Variants in LAMA1 observed in about 807,000 individuals in gnomAD.
The protein encoded by LAMA1 is laminin subunit alpha 1.
A neutral mutation model predicts 348.7 loss-of-function variants in LAMA1; 219 were observed. The ratio of observed to expected loss-of-function variants is 0.63; its 90% CI spans 0.56 to 0.70. The LOEUF (loss-of-function observed/expected upper bound fraction) is 0.70. Among genes scored for constraint, LAMA1 ranks in the 30% least tolerant of loss-of-function variants. The pLI, the probability that LAMA1 is intolerant of heterozygous loss-of-function variation, is 0.00. For missense variants in LAMA1, 3,744 were observed against 3,888.0 expected, an observed-to-expected ratio of 0.96 and a Z score of 0.99; for synonymous variants, 1,487 against 1,491.0, an observed-to-expected ratio of 1.00 and a Z score of 0.06.
chr18:7,087,102 A>G (rs2058220823), intron 1 of LAMA1, among the ~76,000 whole-genome samples: 1 of 152,214 alleles, frequency 6.6e-6, no homozygotes, highest in South Asian at 2.1e-4. Context: ...TGACCCTTTC[A>G]TCTAAAAAAA....
chr18:7,098,762 T>G (rs2058276400), intron 1 of LAMA1, among the ~76,000 whole-genome samples: 1 of 124,806 alleles, frequency 8.0e-6, no homozygotes. Context: ...GTCCAGGAGG[T>G]GAGGGGCGCC....
chr18:6,969,597 A>G (rs569131054), intron 48 of LAMA1, among the ~76,000 whole-genome samples: 2 of 152,344 alleles, frequency 1.3e-5, no homozygotes, highest in African/African-American at 4.8e-5. Context: ...GGCCAATATA[A>G]CAGTGGATTT....
chr18:6,956,386 A>G, intron 56 of LAMA1: 1 of 656,782 alleles, frequency 1.5e-6, no homozygotes, highest in Middle Eastern at 2.4e-4. Flanking sequence ...CCAAAAGCAT[A>G]TTATACATCA....
chr18:6,978,405 C>A, intron 42 of LAMA1, 27 bp from the exon 43 acceptor site: 1 of 1,586,252 alleles, frequency 6.3e-7, no homozygotes, highest in Non-Finnish European at 8.6e-7. Flanking sequence ...TAAAAGCATG[C>A]ACTTCTGGTG....
chr18:6,981,889 G>A (rs623795), intron 41 of LAMA1, among the ~76,000 whole-genome samples: 126,602 of 152,184 alleles, frequency 0.83, 53,024 homozygotes, highest in East Asian at 0.99. Flanking sequence ...GTAGGCCTAC[G>A]TAGTTTCTCT....
At chr18:6,991,828 C>T (rs907441052) in intron 36 of LAMA1, among the ~76,000 whole-genome samples, 7 of 152,180 alleles carry the variant, frequency 4.6e-5, no homozygotes, top group African/African-American at 1.4e-4. Context: ...TCCCTCACAA[C>T]ATAATTTAAA....
At chr18:6,974,804 AG>A in intron 46 of LAMA1, 98 bp downstream of exon 46, 1 of 1,483,068 alleles carries the variant, frequency 6.7e-7, no homozygotes, top group African/African-American at 1.4e-5. Flanking sequence ...CTGACTTTCC[AG>A]AAGTTTCAAA....
At chr18:7,054,907 T>C (rs2058075471) in intron 3 of LAMA1, among the ~76,000 whole-genome samples, 1 of 152,120 alleles carries the variant, frequency 6.6e-6, no homozygotes, top group Admixed American at 6.6e-5. Context: ...ACCATAAACA[T>C]ACAACACATA....
At chr18:6,986,931 T>G (rs2057738112) in intron 36 of LAMA1, among the ~76,000 whole-genome samples, 1 of 152,194 alleles carries the variant, frequency 6.6e-6, no homozygotes. Context: ...GCTAATTTTT[T>G]TTAGTAGAGA....
chr18:7,011,305 C>A lies in LAMA1; in HGVS notation c.3682G>T (p.Asp1228Tyr), dbSNP rs772974629. ...CGGCTGGGCGTGCACCTCACCTGGT[C>A]TCCTTGGAACTGCTGCGGCAGCCGC... ...YWRLPQQFQG[D>Y]QLMAYGGKLK... Residue 1228 changes from aspartate to tyrosine, a missense_variant, in exon 25 of 63, where the codon GAC (aspartate) becomes TAC (tyrosine). By Grantham distance (160) the Asp-to-Tyr change is radical. Coordinates refer to ENST00000389658, the MANE Select transcript of LAMA1 (RefSeq NM_005559.4). The A allele has an allele frequency of 6.2e-7, 1 of 1,610,404 alleles. No homozygotes were observed. The highest frequency in any genetic ancestry group is 8.5e-7 in the Non-Finnish European group (1 of 1,179,060).
chr18:7,003,768 A>T (rs1176786858), intron 29 of LAMA1, among the ~76,000 whole-genome samples: 1 of 152,168 alleles, frequency 6.6e-6, no homozygotes, highest in Non-Finnish European at 1.5e-5. Context: ...TGGCAGTGAG[A>T]GGTGATACAG....
In LAMA1 at chr18:7,050,733, G is replaced by A. The variant is rs1350651504; in HGVS notation, c.549C>T (p.Thr183=). 6.2e-7 allele frequency: 1 copy of A among 1,614,068 alleles called. No individual in the cohort carries two copies. The highest frequency in any genetic ancestry group is 8.5e-7 in the Non-Finnish European group (1 of 1,180,020). Residue 183 remains threonine (T), a synonymous_variant, in exon 4 of 63, where the codon ACC becomes ACT. Transcript: ENST00000389658. ...TYRADDEVIC[T]SYYSRLVPLE... ...GTGGCACCAATCTGGAATAATAGGA[G>A]GTGCAGATCACTTCATCATCAGCCC...
At chr18:7,097,042 GC>G (rs1245606479) in intron 1 of LAMA1, among the ~76,000 whole-genome samples, 1 of 151,924 alleles carries the variant, frequency 6.6e-6, no homozygotes, top group Non-Finnish European at 1.5e-5. Context: ...AGAAGCACAT[GC>G]CTAATGATCT....
intron 28 of LAMA1, among the ~76,000 whole-genome samples, chr18:7,007,617 C>A (rs1003505129): frequency 5.3e-5 from 8 of 152,136 alleles, no homozygotes; most frequent in African/African-American, 9.7e-5. Context: ...TATGATTCTG[C>A]AAGTCCACTT....
At chr18:7,109,259 C>T (rs1598324456) in intron 1 of LAMA1, among the ~76,000 whole-genome samples, 1 of 152,180 alleles carries the variant, frequency 6.6e-6, no homozygotes, top group East Asian at 1.9e-4. Context: ...GGGAGTTCCT[C>T]GGTGTTACTG....
chr18:7,108,612 T>C (rs187881676), intron 1 of LAMA1, among the ~76,000 whole-genome samples: 1,670 of 113,964 alleles, frequency 0.015, 43 homozygotes, highest in African/African-American at 0.054. Context: ...GCCGAGACCA[T>C]GCCACTGCAC....
At chr18:7,070,002 G>C (rs1295226044) in intron 3 of LAMA1, among the ~76,000 whole-genome samples, 1 of 152,140 alleles carries the variant, frequency 6.6e-6, no homozygotes, top group African/African-American at 2.4e-5. Context: ...AACCAGCAGA[G>C]AAGCTATGCA....
Position 6,966,195 on chromosome 18 carries a change from AT to A in LAMA1, c.7001del (p.Asn2334IlefsTer30). On this transcript the variant is annotated frameshift_variant, in exon 49 of 63. Transcript: ENST00000389658. LOFTEE classifies it high-confidence loss of function. ...ATVTQIIMLFNTFSPNGLLLY... is the reference protein window; with the variant it reads ...ATVTQIIMLFXTFSPNGLLLY... ...GAAGAAGTCCATTAGGTGAAAAGGTATTAAAAAGCATGATTATCTGGGTCAC... is the reference window on the plus strand; with the variant it reads ...GAAGAAGTCCATTAGGTGAAAAGGTATAAAAAGCATGATTATCTGGGTCAC... 3 of 1,614,160 alleles carry A rather than the reference AT, an allele frequency of 1.9e-6. No homozygotes were observed. The highest frequency in any genetic ancestry group is 2.5e-6 in the Non-Finnish European group (3 of 1,180,010).
intron 1 of LAMA1, among the ~76,000 whole-genome samples, chr18:7,116,179 G>C (rs563529781): frequency 1.3e-5 from 2 of 152,278 alleles, no homozygotes; most frequent in South Asian, 2.1e-4. Context: ...GCCAAGTGCC[G>C]AGCCCCGAGG....
Sources: gnomAD v4.1 joint callset for allele counts (sites outside exome capture counted in the v4.1 genomes callset) on GRCh38, gnomAD v4.1.1 for gene constraint, MANE v1.5 for transcripts, NCBI Gene and HGNC (gene_info 2026-07-23, HGNC 2026-07-21) for gene names.